Variants in SLC29A4 observed in about 807,000 individuals in gnomAD.
SLC29A4 encodes the protein equilibrative nucleoside transporter 4.
Under a neutral mutation model 43.9 loss-of-function variants are expected in SLC29A4, and 36 were observed. The ratio of observed to expected loss-of-function variants is 0.82; its 90% CI spans 0.63 to 1.08. The LOEUF is 1.08. SLC29A4 is among the 50% of genes least tolerant of loss of function. The probability of loss-of-function intolerance (pLI) is 0.00; values close to 1 mark genes in which losing one functional copy is unlikely to be tolerated. For missense variants in SLC29A4, 869 were observed against 755.3 expected (o/e 1.15, Z -1.77); for synonymous variants, 491 against 338.0 (o/e 1.45, Z -4.97).
At position 5,300,400 on chromosome 7, in the gene SLC29A4, C is replaced by T. The variant is rs756124797; in HGVS notation, c.1210-22C>T. On this transcript the variant is annotated intron_variant, in intron 9 of 10. Coordinates refer to ENST00000396872, the MANE Select transcript of SLC29A4 (RefSeq NM_153247.4). The stretch of plus-strand genomic sequence containing the variant: ...TGGGGCTGTGGCCGGGACAGGGCGC[C>T]CACTTGCCTGGCTCTCTGCAGATCC... The T allele has an allele frequency of 3.7e-6, 6 of 1,610,336 alleles. No homozygotes were observed. In the East Asian group the frequency reaches 6.7e-5, roughly 18 times the overall value.
In SLC29A4 at chr7:5,283,087, G is replaced by A. The variant is rs1465098127; in HGVS notation, c.-9+5G>A. The A allele has an allele frequency of 2.0e-5, 3 of 148,604 alleles. No homozygotes were observed. The highest frequency in any genetic ancestry group is 4.5e-5 in the Non-Finnish European group (3 of 66,486). The allele number at this position is 148,604 out of a possible 1,614,324, so 9.2% of individuals were successfully genotyped here. ...CCCAGGCCGGGCCGGGCCGAGGTAA[G>A]CGGTGGCCGCGGGACGCGGGGAGAC... On this transcript the variant is annotated splice_donor_5th_base_variant and intron_variant, in intron 1 of 10. Transcript: ENST00000396872.
At chr7:5,294,021 A>T (rs1253022695) in intron 5 of SLC29A4, among the ~76,000 whole-genome samples, 1 of 150,394 alleles carries the variant, frequency 6.6e-6, no homozygotes, top group African/African-American at 2.4e-5. Context: ...CAGGAGAATC[A>T]TGTGAACCCA....
Position 5,286,180 on chromosome 7 carries a change from C to T in SLC29A4, c.-8-1629C>T, listed in dbSNP as rs570312076. Among the ~76,000 whole-genome samples, 34 of 152,222 alleles carry T rather than the reference C, an allele frequency of 2.2e-4. No individual in the cohort carries two copies. In the South Asian group the frequency reaches 7.1e-3, roughly 32 times the overall value. On this transcript the variant is annotated intron_variant, in intron 1 of 10. Coordinates refer to ENST00000396872, the MANE Select transcript of SLC29A4 (RefSeq NM_153247.4). ...CTCTCTGTTAGCCTCAAACTCCCTA[C>T]GACGAGCACAGATCCTTTCTGCATT...
chr7:5,289,364 T>C (rs986295017), intron 2 of SLC29A4, among the ~76,000 whole-genome samples: 1 of 151,882 alleles, frequency 6.6e-6, no homozygotes, highest in African/African-American at 2.4e-5. Flanking sequence ...GCCACTGCAC[T>C]CCAGCCTGAG....
In SLC29A4 at chr7:5,296,998, C is replaced by T; in HGVS notation, c.682C>T (p.Arg228Cys). ...ILTKLLLPDE[R>C]ASTLIFFLVS... ...CACGAAGCTGCTGCTGCCCGACGAG[C>T]GCGCCAGCACGCTCATCTTCTTCCT... The change falls in exon 7 of 11, where the codon CGC becomes TGC. Residue 228 changes from arginine to cysteine, a missense_variant. Physicochemically the swap from Arg to Cys is radical, Grantham distance 180. Coordinates refer to ENST00000396872, the MANE Select transcript of SLC29A4 (RefSeq NM_153247.4). The T allele has an allele frequency of 1.9e-6, 3 of 1,604,154 alleles. No individual in the cohort carries two copies. The highest frequency in any genetic ancestry group is 2.5e-6 in the Non-Finnish European group (3 of 1,179,582).
At chr7:5,292,039 ACT>A (rs1785345007) in intron 5 of SLC29A4, among the ~76,000 whole-genome samples, 1 of 152,038 alleles carries the variant, frequency 6.6e-6, no homozygotes, top group African/African-American at 2.4e-5. Context: ...AGCCACAGAG[ACT>A]CTGAGGCAGC....
intron 1 of SLC29A4, among the ~76,000 whole-genome samples, chr7:5,283,890 G>A (rs1343902673): frequency 1.3e-5 from 2 of 152,196 alleles, no homozygotes; most frequent in Non-Finnish European, 2.9e-5. Flanking sequence ...GAGGAGCGCG[G>A]CCCCCGAGTG....
rs58184769 is a variant in SLC29A4, at chr7:5,297,940, C to T, written c.882+742C>T. The stretch of plus-strand genomic sequence containing the variant: ...ATCCCACCATCCCTGGGCAGGCAGA[C>T]GTCCTTGGGGGGCTGGGGTGCCTTC... On this transcript the variant is annotated intron_variant, in intron 7 of 10. Coordinates refer to ENST00000396872, the MANE Select transcript of SLC29A4 (RefSeq NM_153247.4). Among the ~76,000 whole-genome samples the T allele has an allele frequency of 3.1e-3, 473 of 152,292 alleles. 7 individuals carry two copies. The highest frequency in any genetic ancestry group is 0.011 in the African/African-American group (448 of 41,568).
intron 10 of SLC29A4, 146 bp from the exon 11 acceptor site, chr7:5,302,650 AG>A: frequency 1.4e-6 from 1 of 732,196 alleles, no homozygotes; most frequent in Non-Finnish European, 2.2e-6. Context: ...GGATCCGGAG[AG>A]GGTGCTCCCA....
intron 7 of SLC29A4, among the ~76,000 whole-genome samples, chr7:5,298,123 A>T (rs1469143137): frequency 6.6e-6 from 1 of 152,212 alleles, no homozygotes; most frequent in African/African-American, 2.4e-5. Flanking sequence ...CAGAATGGTC[A>T]TGCAGGCCTT....
At chr7:5,297,279 C>T (rs1390148938) in intron 7 of SLC29A4, 81 bp downstream of exon 7, 3 of 1,409,552 alleles carry the variant, frequency 2.1e-6, no homozygotes, top group Non-Finnish European at 2.8e-6. Context: ...TACCTGGGGC[C>T]CAGCCTCTCA....
chr7:5,298,789 G>T (rs1197292503), intron 7 of SLC29A4, among the ~76,000 whole-genome samples, 199 bp from the exon 8 acceptor site: 2 of 152,162 alleles, frequency 1.3e-5, no homozygotes, highest in African/African-American at 4.8e-5. Context: ...AACAGAGCAA[G>T]ACCCTCTCTC....
At chr7:5,298,034 C>A (rs940581879) in intron 7 of SLC29A4, among the ~76,000 whole-genome samples, 1 of 152,172 alleles carries the variant, frequency 6.6e-6, no homozygotes, top group African/African-American at 2.4e-5. Context: ...GGGACACCTG[C>A]AGGGTGAGGT....
At chr7:5,299,542 G>C in intron 9 of SLC29A4, 115 bp downstream of exon 9, 2 of 1,169,770 alleles carry the variant, frequency 1.7e-6, no homozygotes, top group Non-Finnish European at 2.4e-6. Flanking sequence ...CTCCCAGGTG[G>C]AAAGGGCAAG....
chr7:5,291,730 C>T lies in SLC29A4; in HGVS notation c.453C>T (p.Ser151=), dbSNP rs1785324200. The T allele has an allele frequency of 6.2e-7, 1 of 1,611,840 alleles. No homozygotes were observed. Among genetic ancestry groups the T allele is most frequent in the Non-Finnish European group, 8.5e-7 (1 of 1,179,812 alleles). ...LLALGPLLFI[S]ICDVWLQLFS... ...CCTTGGGCCCTCTCCTTTTTATCAGCATCTGCGACGTGTGGCTGCAGCTCT... is the reference window on the plus strand; with the variant it reads ...CCTTGGGCCCTCTCCTTTTTATCAGTATCTGCGACGTGTGGCTGCAGCTCT... The change falls in exon 5 of 11, where the codon AGC becomes AGT. Residue 151 remains serine, a synonymous_variant. Coordinates refer to ENST00000396872, the MANE Select transcript of SLC29A4 (RefSeq NM_153247.4).
chr7:5,294,292 G>A (rs1785500673), intron 5 of SLC29A4, among the ~76,000 whole-genome samples: 1 of 152,044 alleles, frequency 6.6e-6, no homozygotes, highest in African/African-American at 2.4e-5. Context: ...CTACTTCCAG[G>A]GCTGGATTTG....
Position 5,306,246 on chromosome 7 carries a change from G to A in SLC29A4, c.*3307G>A, listed in dbSNP as rs1393163372. 1 of 131,500 alleles carries A rather than the reference G, an allele frequency of 7.6e-6. No individual in the cohort carries two copies. The highest frequency in any genetic ancestry group is 1.6e-5 in the Non-Finnish European group (1 of 64,482). 8.1% of individuals were successfully genotyped at this position (131,500 alleles called of 1,614,324 possible). ...CAATCTCTGTCACCCCCAGGCCAGA[G>A]TGCAGTGGTGCGATCTCAACTCACT... On this transcript the variant is annotated 3_prime_UTR_variant, in exon 11 of 11. Coordinates refer to ENST00000396872, the MANE Select transcript of SLC29A4 (RefSeq NM_153247.4).
intron 3 of SLC29A4, 76 bp from the exon 4 acceptor site, chr7:5,291,048 G>A (rs1785271188): frequency 1.9e-6 from 3 of 1,568,672 alleles, no homozygotes; most frequent in African/African-American, 1.4e-5. Flanking sequence ...AGCCCCTTCT[G>A]GGAGGTCTCA....
intron 4 of SLC29A4, among the ~76,000 whole-genome samples, 180 bp downstream of exon 4, chr7:5,291,417 T>C (rs1785303073): frequency 1.3e-5 from 2 of 152,234 alleles, no homozygotes; most frequent in South Asian, 2.1e-4. Flanking sequence ...CCCCAAGTCA[T>C]GTCCCTGGGC....
Sources: gnomAD v4.1 joint callset for allele counts (sites outside exome capture counted in the v4.1 genomes callset) on GRCh38, gnomAD v4.1.1 for gene constraint, MANE v1.5 for transcripts, NCBI Gene and HGNC (gene_info 2026-07-23, HGNC 2026-07-21) for gene names.